The following SLC20A1 variants were observed in gnomAD, a reference collection of about 807,000 sequenced individuals.
The protein encoded by SLC20A1 is solute carrier family 20 member 1, also known as sodium-dependent phosphate transporter 1.
SLC20A1 carries 28 observed loss-of-function variants against 62.7 expected under a neutral mutation model. The ratio of observed to expected loss-of-function variants is 0.45; its 90% CI spans 0.33 to 0.61. The LOEUF is 0.61. Among genes scored for constraint, SLC20A1 ranks in the 20% least tolerant of loss-of-function variants. The pLI is 0.02. For synonymous variants in SLC20A1, 305 were observed against 302.9 expected, an observed-to-expected ratio of 1.01 and a Z score of -0.07; for missense variants, 673 against 838.6, an observed-to-expected ratio of 0.80 and a Z score of 2.44.
rs760040431 is a variant in SLC20A1 at position 112,659,262 on chromosome 2, A to C, written c.1107A>C (p.Gln369His). ...AGTTCAGTCAAGCCGTCAGCAACCA[A>C]ATAAACTCCAGTGGCCACTACCAGT... ...LVQFSQAVSNQINSSGHYQYH... is the reference protein window; with the variant it reads ...LVQFSQAVSNHINSSGHYQYH... Residue 369 changes from glutamine (Q) to histidine (H), a missense_variant, in exon 8 of 11, where the codon CAA (glutamine) becomes CAC (histidine). Coordinates refer to ENST00000272542, the MANE Select transcript of SLC20A1 (RefSeq NM_005415.5). The C allele has an allele frequency of 5.0e-6, 8 of 1,614,046 alleles. No homozygotes were observed. In the South Asian group the frequency reaches 8.8e-5, roughly 18 times the overall value.
Position 112,647,737 on chromosome 2 carries a change from A to G in SLC20A1, c.560A>G (p.Lys187Arg). 1 of 1,612,026 alleles carries G rather than the reference A, an allele frequency of 6.2e-7. No individual in the cohort carries two copies. Among genetic ancestry groups the G allele is most frequent in the Non-Finnish European group, 8.5e-7 (1 of 1,178,100 alleles). ...CTGGTTCGTGCATTCATCCTCCATA[A>G]GGTAACCTTTCTCCCCCGTATGAAG... ...FFLVRAFILHKADPVPNGLRA... is the reference protein window; with the variant it reads ...FFLVRAFILHRADPVPNGLRA... The change falls in exon 4 of 11, where the codon AAG becomes AGG. Residue 187 changes from lysine (K) to arginine (R), a missense_variant and splice_region_variant. Transcript: ENST00000272542.
chr2:112,657,081 G>T (rs562748607), intron 5 of SLC20A1, 41 bp from the exon 6 acceptor site: 8 of 1,613,226 alleles, frequency 5.0e-6, no homozygotes, highest in Non-Finnish European at 6.8e-6. Flanking sequence ...GCAGGGGGCT[G>T]TTGCCCTGGG....
intron 5 of SLC20A1, among the ~76,000 whole-genome samples, chr2:112,655,583 C>G (rs1011884991): frequency 2.7e-5 from 4 of 150,158 alleles, no homozygotes; most frequent in African/African-American, 9.8e-5. Context: ...CTGTGTTGCC[C>G]AGGCTGGCCT....
chr2:112,661,012 C>A, intron 9 of SLC20A1, 130 bp from the exon 10 acceptor site: 1 of 621,028 alleles, frequency 1.6e-6, no homozygotes. Flanking sequence ...GGGGTTATAG[C>A]AAATAAAGAT....
chr2:112,650,773 G>A (rs894105914), intron 4 of SLC20A1, among the ~76,000 whole-genome samples: 3 of 152,070 alleles, frequency 2.0e-5, no homozygotes, highest in Non-Finnish European at 2.9e-5. Flanking sequence ...ATGGGTGTGT[G>A]CCACCACATC....
chr2:112,646,652 G>T lies in SLC20A1; in HGVS notation c.-177G>T. Reference sequence around the variant, plus strand: ...GCCAAAGAAACCCCAGACAACAGATGCCCATACGCAGCGTATAGCAGTAAC... The same window carrying T: ...GCCAAAGAAACCCCAGACAACAGATTCCCATACGCAGCGTATAGCAGTAAC... On this transcript the variant is annotated 5_prime_UTR_variant, in exon 2 of 11. It removes an upstream start codon present in the reference 5' UTR. Transcript: ENST00000272542. The T allele has an allele frequency of 3.8e-6, 1 of 261,804 alleles. No homozygotes were observed. Among genetic ancestry groups the T allele is most frequent in the Non-Finnish European group, 6.9e-6 (1 of 144,698 alleles). 16.2% of individuals were successfully genotyped at this position (261,804 alleles called of 1,614,324 possible).
intron 8 of SLC20A1, 94 bp from the exon 9 acceptor site, chr2:112,660,293 C>T (rs993328484): frequency 2.6e-6 from 3 of 1,136,226 alleles, no homozygotes; most frequent in Non-Finnish European, 3.8e-6. Context: ...GAAAGCTGTA[C>T]TTTAGACAAC....
At chr2:112,652,596 A>G in intron 4 of SLC20A1, 106 bp from the exon 5 acceptor site, 2 of 835,332 alleles carry the variant, frequency 2.4e-6, no homozygotes, top group Admixed American at 2.1e-5. Flanking sequence ...TACTCTGGAG[A>G]GAGTTATTGG....
At chr2:112,651,453 GAGTGAGGTGGCCC>G (rs1239051382) in intron 4 of SLC20A1, among the ~76,000 whole-genome samples, 1 of 151,870 alleles carries the variant, frequency 6.6e-6, no homozygotes, top group Non-Finnish European at 1.5e-5. Flanking sequence ...GCCCAGGCTG[GAGTGAGGTGGCCC>G]AGTCTCCACT....
At chr2:112,651,903 C>T (rs1362598802) in intron 4 of SLC20A1, 1 of 152,250 alleles carries the variant, frequency 6.6e-6, no homozygotes, top group East Asian at 1.9e-4. Context: ...TTTGCCCCTT[C>T]TGTACCCATA....
Position 112,657,197 on chromosome 2 carries a change from T to C in SLC20A1, c.734T>C (p.Ile245Thr), listed in dbSNP as rs1184282093. Residue 245 changes from isoleucine to threonine, a missense_variant, in exon 6 of 11, where the codon ATC becomes ACC. Transcript: ENST00000272542. ...SVGCAVFCALIVWFFVCPRMK... is the reference protein window; with the variant it reads ...SVGCAVFCALTVWFFVCPRMK... ...GGATGTGCAGTTTTCTGTGCCCTTA[T>C]CGTCTGGTTCTTTGTATGTCCCAGG... 6.2e-7 allele frequency: 1 copy of C among 1,613,996 alleles called. No homozygotes were observed. The highest frequency in any genetic ancestry group is 1.1e-5 in the South Asian group (1 of 91,068).
In SLC20A1 at chr2:112,662,131, A is replaced by G. The variant is rs181000434; in HGVS notation, c.1879-733A>G. Among the ~76,000 whole-genome samples the G allele has an allele frequency of 1.5e-4, 23 of 152,320 alleles. No individual in the cohort carries two copies. The East Asian group carries it at 4.4e-3, about 29-fold the overall frequency. Reference sequence around the variant, plus strand: ...CTAATAATTATAGGAGAAGGAAGAAACTGGTTTCCTTAAGAGCATTTAAGC... The same window carrying G: ...CTAATAATTATAGGAGAAGGAAGAAGCTGGTTTCCTTAAGAGCATTTAAGC... On this transcript the variant is annotated intron_variant, in intron 10 of 10. Transcript: ENST00000272542.
chr2:112,657,810 A>G (rs940136992), intron 6 of SLC20A1, among the ~76,000 whole-genome samples: 61 of 152,378 alleles, frequency 4.0e-4, no homozygotes, highest in African/African-American at 1.4e-3. Context: ...ATTGTAGCAC[A>G]GATTCTAGAA....
chr2:112,661,271 A>T (rs1371478330), intron 10 of SLC20A1, 45 bp downstream of exon 10: 1 of 1,456,176 alleles, frequency 6.9e-7, no homozygotes, highest in Admixed American at 1.7e-5. Context: ...TTCTTCTAAT[A>T]TGTAGGGTTT....
In SLC20A1 at chr2:112,660,445, T is replaced by G. The variant is rs1686716919; in HGVS notation, c.1666T>G (p.Ser556Ala). Residue 556 changes from serine to alanine, a missense_variant, in exon 9 of 11, where the codon TCA becomes GCA. Transcript: ENST00000272542. The part of the protein sequence containing the change: ...YLVYDTGDVS[S>A]KVATPIWLLL... ...GGTTTATGACACAGGAGATGTTTCT[T>G]CAAAAGTGGCAACACCAATATGGCT... The G allele has an allele frequency of 6.2e-7, 1 of 1,614,098 alleles. No individual in the cohort carries two copies. The highest frequency in any genetic ancestry group is 1.3e-5 in the African/African-American group (1 of 74,926).
At chr2:112,660,681 C>G (rs949419417) in intron 9 of SLC20A1, 109 bp downstream of exon 9, 4 of 907,578 alleles carry the variant, frequency 4.4e-6, no homozygotes, top group Non-Finnish European at 6.3e-6. Context: ...TGTATAAGTT[C>G]ATGATGTTCT....
intron 4 of SLC20A1, 65 bp downstream of exon 4, chr2:112,647,803 G>C: frequency 7.5e-7 from 1 of 1,325,702 alleles, no homozygotes; most frequent in African/African-American, 1.4e-5. Flanking sequence ...AAACCCAGTG[G>C]TACTTTTGCA....
At chr2:112,649,995 TC>T (rs1686392005) in intron 4 of SLC20A1, among the ~76,000 whole-genome samples, 1 of 152,176 alleles carries the variant, frequency 6.6e-6, no homozygotes, top group South Asian at 2.1e-4. Flanking sequence ...TTTACCTTCT[TC>T]CTAGACTCTC....
At chr2:112,662,754 T>C (rs1211427581) in intron 10 of SLC20A1, 110 bp from the exon 11 acceptor site, 3 of 1,080,156 alleles carry the variant, frequency 2.8e-6, no homozygotes, top group Non-Finnish European at 4.0e-6. Context: ...TCTTGGACTT[T>C]GTCTTGTCCA....
Sources: gnomAD v4.1 joint callset for allele counts (sites outside exome capture counted in the v4.1 genomes callset) on GRCh38, gnomAD v4.1.1 for gene constraint, MANE v1.5 for transcripts, NCBI Gene and HGNC (gene_info 2026-07-23, HGNC 2026-07-21) for gene names.